The following NRCAM variants were observed in gnomAD, a reference collection of about 807,000 sequenced individuals.
The protein encoded by NRCAM is NgCAM-related cell adhesion molecule.
Under a neutral mutation model 156.5 loss-of-function variants are expected in NRCAM, and 83 were observed. The observed-to-expected ratio is 0.53, with a 90% CI of 0.44 to 0.64. The LOEUF is 0.64. NRCAM is among the 30% of genes least tolerant of loss of function. The probability of loss-of-function intolerance (pLI) is 0.00; values close to 1 mark genes in which losing one functional copy is unlikely to be tolerated. For synonymous variants in NRCAM, 538 were observed against 563.9 expected, an observed-to-expected ratio of 0.95 and a Z score of 0.65; for missense variants, 1,417 against 1,597.3, an observed-to-expected ratio of 0.89 and a Z score of 1.92.
chr7:108,158,147 T>C (rs1285242882), intron 32 of NRCAM, among the ~76,000 whole-genome samples: 1 of 152,088 alleles, frequency 6.6e-6, no homozygotes, highest in Non-Finnish European at 1.5e-5. Flanking sequence ...CCCTCTTGGG[T>C]GAACTGGGTG....
intron 22 of NRCAM, 37 bp downstream of exon 22, chr7:108,184,204 A>C (rs779581523): frequency 6.4e-7 from 1 of 1,562,480 alleles, no homozygotes; most frequent in Admixed American, 1.7e-5. Context: ...TTTCACTCTA[A>C]AAAATAGCGA....
In NRCAM at chr7:108,191,826, C is replaced by CACT; in HGVS notation, c.1803_1805dup (p.Val603dup). 2 of 1,613,592 alleles carry CACT rather than the reference C, an allele frequency of 1.2e-6. No individual in the cohort carries two copies. The highest frequency in any genetic ancestry group is 8.5e-7 in the Non-Finnish European group (1 of 1,179,886). On this transcript the variant is annotated inframe_insertion, in exon 18 of 33. Transcript: ENST00000379028. ...TGTCATCGTCACTGACATCAGCTACCACTAGATGATCCTTGTCAACAGTGA... is the reference window on the plus strand; with the variant it reads ...TGTCATCGTCACTGACATCAGCTACCACTACTAGATGATCCTTGTCAACAGTGA...
At chr7:108,211,253 A>G (rs552948398) in intron 11 of NRCAM, among the ~76,000 whole-genome samples, 2 of 152,308 alleles carry the variant, frequency 1.3e-5, no homozygotes, top group African/African-American at 4.8e-5. Flanking sequence ...TGGGTCCCCA[A>G]GCAGGCCATT....
chr7:108,208,705 T>C (rs1249738912), intron 12 of NRCAM, among the ~76,000 whole-genome samples: 2 of 152,224 alleles, frequency 1.3e-5, no homozygotes, highest in African/African-American at 4.8e-5. Context: ...AGTTATTTCG[T>C]AGACTGTCTT....
chr7:108,160,988 G>A (rs192743578), intron 30 of NRCAM, among the ~76,000 whole-genome samples: 1 of 152,108 alleles, frequency 6.6e-6, no homozygotes, highest in African/African-American at 2.4e-5. Context: ...TTAGAAATCT[G>A]TTAAAAAAGA....
At chr7:108,327,925 A>G (rs1435565523) in intron 2 of NRCAM, among the ~76,000 whole-genome samples, 1 of 152,200 alleles carries the variant, frequency 6.6e-6, no homozygotes, top group Non-Finnish European at 1.5e-5. Flanking sequence ...CATGCAGAAA[A>G]TAAGGGAGAA....
intron 8 of NRCAM, among the ~76,000 whole-genome samples, chr7:108,229,811 C>T (rs1030767600): frequency 3.6e-4 from 55 of 152,260 alleles, no homozygotes; most frequent in African/African-American, 1.3e-3. Context: ...AGGTAACACG[C>T]TGACCTATTG....
intron 13 of NRCAM, among the ~76,000 whole-genome samples, chr7:108,203,694 G>A (rs995156877): frequency 6.6e-6 from 1 of 152,182 alleles, no homozygotes; most frequent in Non-Finnish European, 1.5e-5. Context: ...TCCCCTGACT[G>A]TATCTCTGTT....
At chr7:108,156,422 T>A in intron 32 of NRCAM, 1 of 984,338 alleles carries the variant, frequency 1.0e-6, no homozygotes, top group Non-Finnish European at 1.2e-6. Context: ...TTTTTCTATA[T>A]GCTAGTAAGG....
chr7:108,390,870 T>C (rs898576816), intron 2 of NRCAM, among the ~76,000 whole-genome samples: 5 of 152,152 alleles, frequency 3.3e-5, no homozygotes, highest in African/African-American at 9.7e-5. Flanking sequence ...AGTTTCCATG[T>C]AGTTGAGCAG....
intron 3 of NRCAM, among the ~76,000 whole-genome samples, chr7:108,269,943 C>G (rs975607208): frequency 2.6e-5 from 4 of 152,170 alleles, no homozygotes; most frequent in African/African-American, 9.7e-5. Flanking sequence ...TAGACAGTAA[C>G]CATACTGTGC....
chr7:108,403,662 G>C (rs17155687), intron 1 of NRCAM, among the ~76,000 whole-genome samples: 1 of 152,004 alleles, frequency 6.6e-6, no homozygotes, highest in African/African-American at 2.4e-5. Context: ...ATGAGGTTTC[G>C]GCATCATTAG....
chr7:108,389,166 C>G (rs975737676), intron 2 of NRCAM, among the ~76,000 whole-genome samples: 1 of 152,108 alleles, frequency 6.6e-6, no homozygotes, highest in Non-Finnish European at 1.5e-5. Flanking sequence ...GCCATTTTCA[C>G]GATATTGATT....
At chr7:108,191,231 A>G (rs1587443616) in intron 19 of NRCAM, 23 bp downstream of exon 19, 1 of 1,590,876 alleles carries the variant, frequency 6.3e-7, no homozygotes, top group East Asian at 2.2e-5. Context: ...GAAAACAGAG[A>G]AAGAAGACTC....
chr7:108,357,202 G>C (rs938765242), intron 2 of NRCAM, among the ~76,000 whole-genome samples: 3 of 152,186 alleles, frequency 2.0e-5, no homozygotes, highest in Non-Finnish European at 4.4e-5. Flanking sequence ...AACATTGTAA[G>C]CATAAAGTAT....
At chr7:108,181,561 T>A (rs1412058924) in intron 24 of NRCAM, among the ~76,000 whole-genome samples, 1 of 152,166 alleles carries the variant, frequency 6.6e-6, no homozygotes, top group African/African-American at 2.4e-5. Flanking sequence ...CCCCATTTTG[T>A]ATACATACTT....
rs530698010 is a variant in NRCAM at position 108,192,886 on chromosome 7, T to C, written c.1779-1033A>G. Among the ~76,000 whole-genome samples, 62 of 152,224 alleles carry C rather than the reference T, an allele frequency of 4.1e-4. No homozygotes were observed. The South Asian group carries it at 0.011, about 28-fold the overall frequency. On this transcript the variant is annotated intron_variant, in intron 17 of 32. Transcript: ENST00000379028. ...AGAGGGAACTTGTGGGCATGAAAAATTGCTCAGTAGATCAAAAAATTAATG... is the reference window on the plus strand; with the variant it reads ...AGAGGGAACTTGTGGGCATGAAAAACTGCTCAGTAGATCAAAAAATTAATG...
intron 11 of NRCAM, among the ~76,000 whole-genome samples, chr7:108,222,950 C>T (rs923962758): frequency 5.3e-5 from 8 of 152,308 alleles, no homozygotes; most frequent in African/African-American, 1.9e-4. Flanking sequence ...CTGTCAAAGG[C>T]GCGTCAGTTC....
Position 108,441,154 on chromosome 7 carries a change from T to A in NRCAM, c.-332+15089A>T, listed in dbSNP as rs568971635. ...AGAATTCTCATTCAAGGAGTTAATG[T>A]TAAATATGGGAGAAACTCTTCTGCA... On this transcript the variant is annotated intron_variant, in intron 1 of 32. Coordinates refer to ENST00000379028, the MANE Select transcript of NRCAM (RefSeq NM_001037132.4). Among the ~76,000 whole-genome samples the A allele has an allele frequency of 1.4e-4, 21 of 152,334 alleles. No individual in the cohort carries two copies. The South Asian group carries it at 4.4e-3, about 32-fold the overall frequency.
Sources: allele counts gnomAD v4.1 joint callset (sites outside exome capture counted in the v4.1 genomes callset), GRCh38; gene constraint gnomAD v4.1.1; transcripts MANE v1.5; gene names NCBI Gene and HGNC (gene_info 2026-07-23, HGNC 2026-07-21).